The following PDSS2 variants were observed in gnomAD, a reference collection of about 807,000 sequenced individuals.
PDSS2 encodes the protein all trans-polyprenyl-diphosphate synthase PDSS2.
Under a neutral mutation model 44.5 loss-of-function variants are expected in PDSS2, and 31 were observed. The observed-to-expected ratio is 0.70, with a 90% CI of 0.52 to 0.94. The LOEUF is 0.94. Among genes scored for constraint, PDSS2 ranks in the 40% least tolerant of loss-of-function variants. The pLI, the probability that PDSS2 is intolerant of heterozygous loss-of-function variation, is 0.00. For missense variants in PDSS2, 452 were observed against 482.2 expected, an observed-to-expected ratio of 0.94 and a Z score of 0.59; for synonymous variants, 157 against 180.3, an observed-to-expected ratio of 0.87 and a Z score of 1.03.
intron 2 of PDSS2, 62 bp downstream of exon 2, chr6:107,334,136 C>T: frequency 6.5e-6 from 9 of 1,390,904 alleles, no homozygotes; most frequent in South Asian, 1.2e-5. Context: ...TTCCACTGAC[C>T]TCTGTCCAGT....
rs190885949 is a variant in PDSS2 at position 107,286,932 on chromosome 6, C to T, written c.432-12705G>A. Among the ~76,000 whole-genome samples, 587 of 152,002 alleles carry T rather than the reference C, an allele frequency of 3.9e-3. 8 individuals carry two copies. The highest frequency in any genetic ancestry group is 4.6e-3 in the Non-Finnish European group (310 of 67,984). On this transcript the variant is annotated intron_variant, in intron 2 of 7. Transcript: ENST00000369037. ...GCACGCGCCTGTAGTCCCAGCTACCCGGGAGGCTGAGGCAGGAGGATGGCT... is the reference window on the plus strand; with the variant it reads ...GCACGCGCCTGTAGTCCCAGCTACCTGGGAGGCTGAGGCAGGAGGATGGCT...
At chr6:107,230,090 A>C (rs1429648002) in intron 4 of PDSS2, 1 of 166,758 alleles carries the variant, frequency 6.0e-6, no homozygotes, top group African/African-American at 2.4e-5. Context: ...GAGCAAGAAC[A>C]GAATGAAGTC....
At chr6:107,222,950 ATT>A (rs562711484) in intron 4 of PDSS2, among the ~76,000 whole-genome samples, 1 of 141,714 alleles carries the variant, frequency 7.1e-6, no homozygotes, top group Admixed American at 7.2e-5. Context: ...TACAAAAAAA[ATT>A]TTTTTTTTTT....
intron 1 of PDSS2, among the ~76,000 whole-genome samples, chr6:107,400,155 G>A (rs2060163847): frequency 6.6e-6 from 1 of 152,124 alleles, no homozygotes; most frequent in South Asian, 2.1e-4. Flanking sequence ...AGTGCTGATA[G>A]TGTCAGGGAG....
intron 6 of PDSS2, among the ~76,000 whole-genome samples, chr6:107,197,178 G>A (rs1190617946): frequency 2.0e-5 from 3 of 151,466 alleles, no homozygotes; most frequent in South Asian, 2.1e-4. Flanking sequence ...GGAAGTGGTC[G>A]TGGGAGCCCC....
At chr6:107,157,140 G>A (rs1770928613) in intron 7 of PDSS2, among the ~76,000 whole-genome samples, 1 of 152,020 alleles carries the variant, frequency 6.6e-6, no homozygotes, top group South Asian at 2.1e-4. Flanking sequence ...CCCTTGCCAA[G>A]CTAGCTCTTG....
At chr6:107,273,133 C>T (rs1319436631) in intron 3 of PDSS2, among the ~76,000 whole-genome samples, 4 of 151,844 alleles carry the variant, frequency 2.6e-5, no homozygotes, top group Non-Finnish European at 4.4e-5. Flanking sequence ...TATAGGCACG[C>T]GCCACCACGC....
At chr6:107,172,779 TTTTC>T (rs1771626255) in intron 7 of PDSS2, among the ~76,000 whole-genome samples, 1 of 151,852 alleles carries the variant, frequency 6.6e-6, no homozygotes, top group Non-Finnish European at 1.5e-5. Context: ...TTCTTTTTTT[TTTTC>T]TTCTTCTTTT....
At position 107,225,162 on chromosome 6, in the gene PDSS2, T is replaced by TATATATA. The variant is rs1491560664; in HGVS notation, c.703-12881_703-12880insTATATAT. On this transcript the variant is annotated intron_variant, in intron 4 of 7. Coordinates refer to ENST00000369037, the MANE Select transcript of PDSS2 (RefSeq NM_020381.4). ...TTATATATATATATATATATATATA[T>TATATATA]TTTTTTTTTTTTTTTTTTTTTTTTT... Among the ~76,000 whole-genome samples the TATATATA allele has an allele frequency of 1.9e-3, 59 of 31,406 alleles. 1 individual carries two copies. In the East Asian group the frequency reaches 0.021, roughly 11 times the overall value. 20.6% of individuals were successfully genotyped at this position (31,406 alleles called of 152,430 possible).
chr6:107,257,785 A>G (rs1009549684), intron 3 of PDSS2, among the ~76,000 whole-genome samples: 1 of 151,972 alleles, frequency 6.6e-6, no homozygotes, highest in Non-Finnish European at 1.5e-5. Flanking sequence ...CACCCAGATA[A>G]TTTTTGTATT....
At chr6:107,240,804 A>G (rs1461146591) in intron 4 of PDSS2, among the ~76,000 whole-genome samples, 1 of 152,162 alleles carries the variant, frequency 6.6e-6, no homozygotes, top group Admixed American at 6.5e-5. Flanking sequence ...GAGAGGGGAG[A>G]TATTTTCTTA....
At chr6:107,207,102 C>T (rs1467415413) in intron 6 of PDSS2, among the ~76,000 whole-genome samples, 1 of 151,918 alleles carries the variant, frequency 6.6e-6, no homozygotes, top group African/African-American at 2.4e-5. Flanking sequence ...AAGTGATTCT[C>T]CTGCCTTAGC....
intron 1 of PDSS2, among the ~76,000 whole-genome samples, chr6:107,343,634 T>C (rs920394941): frequency 1.4e-4 from 22 of 152,112 alleles, no homozygotes; most frequent in African/African-American, 5.3e-4. Flanking sequence ...AAATGTTAAA[T>C]AAAAGAATAC....
intron 7 of PDSS2, among the ~76,000 whole-genome samples, chr6:107,191,510 G>A (rs1772379061): frequency 6.6e-6 from 1 of 152,154 alleles, no homozygotes; most frequent in African/African-American, 2.4e-5. Flanking sequence ...AATCACAGGA[G>A]AGAGGATAAG....
intron 1 of PDSS2, among the ~76,000 whole-genome samples, chr6:107,343,806 CAT>C (rs1465244670): frequency 6.6e-6 from 1 of 152,042 alleles, no homozygotes; most frequent in East Asian, 1.9e-4. Flanking sequence ...AGTATTCTTG[CAT>C]TTTTCTGTGT....
rs753421649 is a variant in PDSS2 at position 107,459,301 on chromosome 6, G to C, written c.-16C>G. 6.2e-7 allele frequency: 1 copy of C among 1,612,746 alleles called. No individual in the cohort carries two copies. Among genetic ancestry groups the C allele is most frequent in the African/African-American group, 1.3e-5 (1 of 74,914 alleles). ...GAAAGTTCATGGTTTGAGTCTGGAA[G>C]GGTCTGGGACCTGGGGGTATCCAGA... On this transcript the variant is annotated 5_prime_UTR_variant, in exon 1 of 8. Transcript: ENST00000369037. This position sits in a 1 kb window ranked among gnomAD's most constrained non-coding sequence, Gnocchi z 4.3.
At chr6:107,358,970 A>G (rs1778673764) in intron 1 of PDSS2, among the ~76,000 whole-genome samples, 1 of 149,710 alleles carries the variant, frequency 6.7e-6, no homozygotes, top group South Asian at 2.2e-4. Context: ...AATATCATCT[A>G]GAGGCAAAGC....
Position 107,210,542 on chromosome 6 carries a change from T to A in PDSS2, c.905A>T (p.Lys302Ile), listed in dbSNP as rs1335485456. The change falls in exon 6 of 8, where the codon AAA becomes ATA. Residue 302 changes from lysine (K) to isoleucine (I), a missense_variant. Transcript: ENST00000369037. ...AGTCATGGAGTCACTGGTCTTTTCT[T>A]TAATAAAAGGCTGGACATCAGAATT... ...KINSDVQPFI[K>I]EKTSDSMTFN... is the part of the protein sequence containing the mutation. 6.2e-7 allele frequency: 1 copy of A among 1,601,988 alleles called. No individual in the cohort carries two copies. Among genetic ancestry groups the A allele is most frequent in the East Asian group, 2.2e-5 (1 of 44,704 alleles).
chr6:107,452,244 C>A (rs780922762), intron 1 of PDSS2, among the ~76,000 whole-genome samples: 14 of 143,238 alleles, frequency 9.8e-5, no homozygotes, highest in South Asian at 2.2e-4. Flanking sequence ...TTAGAGAGTT[C>A]TTTTTTTTTT....
Sources: allele counts gnomAD v4.1 joint callset (sites outside exome capture counted in the v4.1 genomes callset), GRCh38; gene constraint gnomAD v4.1.1; non-coding constraint Gnocchi (gnomAD v3.1); transcripts MANE v1.5; gene names NCBI Gene and HGNC (gene_info 2026-07-23, HGNC 2026-07-21).